Variants in PARD3 observed in about 807,000 individuals in gnomAD.
PARD3 encodes partitioning defective 3 homolog.
PARD3 carries 75 observed loss-of-function variants against 155.4 expected under a neutral mutation model. The ratio of observed to expected loss-of-function variants is 0.48; its 90% CI spans 0.40 to 0.58. PARD3 has a LOEUF of 0.58. Ranked by LOEUF, PARD3 falls within the 20% of genes least tolerant of loss-of-function variation. The pLI is 0.00. For synonymous variants in PARD3, 576 were observed against 610.5 expected, an observed-to-expected ratio of 0.94 and a Z score of 0.83; for missense variants, 1,642 against 1,721.7, an observed-to-expected ratio of 0.95 and a Z score of 0.82.
chr10:34,775,598 C>T (rs1307661066), intron 1 of PARD3, among the ~76,000 whole-genome samples: 1 of 152,172 alleles, frequency 6.6e-6, no homozygotes, highest in Non-Finnish European at 1.5e-5. Context: ...TCAAGGTGCC[C>T]TTTGTCCAAA....
At chr10:34,495,088 C>T (rs1232575876) in intron 3 of PARD3, among the ~76,000 whole-genome samples, 2 of 151,852 alleles carry the variant, frequency 1.3e-5, no homozygotes, top group Admixed American at 6.6e-5. Context: ...TCCTGGCACT[C>T]AATTTCGCAG....
intron 24 of PARD3, among the ~76,000 whole-genome samples, chr10:34,113,858 A>G (rs1946527664): frequency 1.3e-5 from 2 of 152,232 alleles, no homozygotes; most frequent in Non-Finnish European, 2.9e-5. Context: ...AAAGAAATGA[A>G]ATAACACATG....
rs758018077 is a variant in PARD3, at chr10:34,111,334, A to C, written c.3897T>G (p.Pro1299=). ...CATAGTTGCTGGGCCCCTCGGAAGG[A>C]GGCTGCTTCTTCATCTGCTGCTCCT... The part of the protein sequence containing the change: ...RRKEQQMKKQ[P]PSEGPSNYDS... The change falls in exon 25 of 25, where the codon CCT becomes CCG. Residue 1299 remains proline, a synonymous_variant. Transcript: ENST00000374788. 2.5e-6 allele frequency: 4 copies of C among 1,613,888 alleles called. No homozygotes were observed. Among genetic ancestry groups the C allele is most frequent in the Non-Finnish European group, 3.4e-6 (4 of 1,179,820 alleles).
At chr10:34,321,650 T>C (rs1175112215) in intron 19 of PARD3, among the ~76,000 whole-genome samples, 1 of 152,152 alleles carries the variant, frequency 6.6e-6, no homozygotes, top group African/African-American at 2.4e-5. Flanking sequence ...TGTGGCAGAG[T>C]CATTCTGCAA....
At chr10:34,541,840 CAT>C (rs1458540524) in intron 2 of PARD3, among the ~76,000 whole-genome samples, 1 of 152,096 alleles carries the variant, frequency 6.6e-6, no homozygotes, top group African/African-American at 2.4e-5. Context: ...AGCAAACCCA[CAT>C]AGAGTCAAAA....
intron 2 of PARD3, among the ~76,000 whole-genome samples, chr10:34,666,774 CCCTAAAA>C (rs2093480579): frequency 1.9e-3 from 7 of 3,654 alleles, no homozygotes; most frequent in Admixed American, 7.2e-3. Flanking sequence ...CTACCCCTCC[CCCTAAAA>C]AAAAAAAAAA....
chr10:34,326,404 C>G (rs1451164841), intron 19 of PARD3, among the ~76,000 whole-genome samples: 1 of 152,084 alleles, frequency 6.6e-6, no homozygotes, highest in Non-Finnish European at 1.5e-5. Context: ...CATTTCAGAA[C>G]AAGTATTTTT....
chr10:34,227,900 T>C (rs1466026010), intron 22 of PARD3, among the ~76,000 whole-genome samples: 2 of 107,890 alleles, frequency 1.9e-5, no homozygotes, highest in African/African-American at 7.2e-5. Context: ...AATATATATG[T>C]ATATATAAAA....
intron 1 of PARD3, among the ~76,000 whole-genome samples, chr10:34,696,833 T>A (rs1034100155): frequency 1.3e-5 from 2 of 151,926 alleles, no homozygotes; most frequent in Non-Finnish European, 2.9e-5. Flanking sequence ...TCTGAAGAAT[T>A]TGTATTTTTG....
chr10:34,688,641 C>T (rs1425374980), intron 2 of PARD3, among the ~76,000 whole-genome samples: 25 of 152,114 alleles, frequency 1.6e-4, no homozygotes, highest in Admixed American at 1.6e-3. Context: ...ATCAAACCTA[C>T]TCCAAGGGGC....
At chr10:34,284,586 A>G (rs1390953203) in intron 20 of PARD3, among the ~76,000 whole-genome samples, 1 of 152,188 alleles carries the variant, frequency 6.6e-6, no homozygotes, top group African/African-American at 2.4e-5. Flanking sequence ...ATGCTAGAGG[A>G]AGAAAGATCT....
rs1345007773 is a variant in PARD3, at chr10:34,684,826, CACACATATAT to C, written c.222+11482_222+11491del. Among the ~76,000 whole-genome samples, 304 of 90,428 alleles carry C rather than the reference CACACATATAT, an allele frequency of 3.4e-3. 2 individuals are homozygous for C. Among genetic ancestry groups the C allele is most frequent in the African/African-American group, 0.013 (245 of 18,962 alleles). 59.3% of individuals were successfully genotyped at this position (90,428 alleles called of 152,430 possible). A position where few individuals can be genotyped will look rare whatever the true frequency, so the allele number is the denominator to read the frequency against. On this transcript the variant is annotated intron_variant, in intron 2 of 24. Coordinates refer to ENST00000374788, the MANE Select transcript of PARD3 (RefSeq NM_001184785.2). ...ACACACACACACACACACACACACA[CACACATATAT>C]ACACACACACATATATATACATGTA...
chr10:34,389,229 CAAT>C (rs1270937045), intron 7 of PARD3, among the ~76,000 whole-genome samples: 14 of 44,546 alleles, frequency 3.1e-4, no homozygotes, highest in Admixed American at 2.7e-3. Context: ...CGTTTTTGAA[CAAT>C]GTTTCTTAAA....
intron 22 of PARD3, among the ~76,000 whole-genome samples, chr10:34,205,863 G>A (rs895332574): frequency 5.3e-5 from 8 of 152,156 alleles, no homozygotes; most frequent in East Asian, 1.9e-4. Flanking sequence ...CGTATGCTCC[G>A]GATACAGTCC....
chr10:34,779,327 C>G (rs538125941), intron 1 of PARD3, among the ~76,000 whole-genome samples: 1 of 144,718 alleles, frequency 6.9e-6, no homozygotes, highest in South Asian at 2.2e-4. Context: ...TAAAATAAAG[C>G]AGCCGGGCGC....
chr10:34,356,322 C>T (rs1169529144), intron 14 of PARD3, among the ~76,000 whole-genome samples: 1 of 152,076 alleles, frequency 6.6e-6, no homozygotes, highest in East Asian at 1.9e-4. Flanking sequence ...CAAGCTGAGG[C>T]CAGGAGTTGG....
chr10:34,571,265 G>C (rs535658668), intron 2 of PARD3, among the ~76,000 whole-genome samples: 29 of 152,302 alleles, frequency 1.9e-4, no homozygotes, highest in African/African-American at 7.0e-4. Flanking sequence ...GGGGAGCTAT[G>C]ATCACCTCAC....
At chr10:34,163,004 A>G (rs1167857537) in intron 22 of PARD3, among the ~76,000 whole-genome samples, 7 of 152,216 alleles carry the variant, frequency 4.6e-5, no homozygotes, top group Non-Finnish European at 7.3e-5. Context: ...TGAATGCTCT[A>G]TACATATAGG....
At chr10:34,551,845 C>A (rs915827160) in intron 2 of PARD3, among the ~76,000 whole-genome samples, 1 of 152,156 alleles carries the variant, frequency 6.6e-6, no homozygotes, top group African/African-American at 2.4e-5. Flanking sequence ...TGTGACCTCA[C>A]AGGAGAAGCC....
Sources: gnomAD v4.1 joint callset for allele counts (sites outside exome capture counted in the v4.1 genomes callset) on GRCh38, gnomAD v4.1.1 for gene constraint, MANE v1.5 for transcripts, NCBI Gene and HGNC (gene_info 2026-07-23, HGNC 2026-07-21) for gene names.